Variants in CCDC187 observed in about 807,000 individuals in gnomAD.
CCDC187 encodes coiled-coil domain containing 187, also known as coiled-coil domain-containing protein 187.
A neutral mutation model predicts 38.0 loss-of-function variants in CCDC187; 32 were observed. The ratio of observed to expected loss-of-function variants is 0.84; its 90% CI spans 0.64 to 1.13. The LOEUF (loss-of-function observed/expected upper bound fraction) is 1.13. Among genes scored for constraint, CCDC187 ranks in the 50% most tolerant of loss-of-function variants. The pLI, the probability that CCDC187 is intolerant of heterozygous loss-of-function variation, is 0.00. For missense variants in CCDC187, 707 were observed against 786.8 expected (o/e 0.90, Z 1.21); for synonymous variants, 333 against 347.9 (o/e 0.96, Z 0.48).
rs948092634 is a variant in CCDC187, at chr9:136,257,985, C to T, written c.4366+947G>A. 6.6e-6 allele frequency among the ~76,000 whole-genome samples: 1 copy of T among 152,214 alleles called. No homozygotes were observed. Among genetic ancestry groups the T allele is most frequent in the African/African-American group, 2.4e-5 (1 of 41,456 alleles). On this transcript the variant is annotated intron_variant, in intron 22 of 25. Transcript: ENST00000638797. This position sits in a 1 kb window ranked among gnomAD's most constrained non-coding sequence, Gnocchi z 4.5. ...CGAGTGAATCCACCTCCAGAGGCAA[C>T]GAGGACCCATGGTGGGTGCAGGCGC...
rs1830545477 is a variant in CCDC187 at position 136,251,954 on chromosome 9, CCCGGGA to C, written c.*1634_*1639del. 2.5e-5 allele frequency: 3 copies of C among 118,748 alleles called. No individual in the cohort carries two copies. The highest frequency in any genetic ancestry group is 5.6e-5 in the African/African-American group (2 of 35,748). 7.4% of individuals were successfully genotyped at this position (118,748 alleles called of 1,614,324 possible). A position where few individuals can be genotyped will look rare whatever the true frequency, so the allele number is the denominator to read the frequency against. On this transcript the variant is annotated 3_prime_UTR_variant, in exon 26 of 26. Coordinates refer to ENST00000638797, the MANE Select transcript of CCDC187 (RefSeq NM_001378188.1). ...AGAGCCGGCCGCCCACCCAGTCCAC[CCCGGGA>C]AGGTCCAGGCGACCGTCCCGCGGAG...
At chr9:136,276,899 G>A (rs1830943074) in intron 10 of CCDC187, among the ~76,000 whole-genome samples, 172 bp from the exon 11 acceptor site, 1 of 152,086 alleles carries the variant, frequency 6.6e-6, no homozygotes, top group South Asian at 2.1e-4. Context: ...AGCCCAGCTG[G>A]CATCAACTCC....
chr9:136,293,911 C>T (rs1317408616), intron 4 of CCDC187, among the ~76,000 whole-genome samples: 1 of 151,238 alleles, frequency 6.6e-6, no homozygotes, highest in Non-Finnish European at 1.5e-5. Context: ...CACACTCATA[C>T]ACTCATATAC....
At chr9:136,265,863 T>A in intron 17 of CCDC187, 93 bp downstream of exon 17, 1 of 620,448 alleles carries the variant, frequency 1.6e-6, no homozygotes, top group Non-Finnish European at 2.0e-6. Flanking sequence ...TTTAGCTCTG[T>A]TGCTGGGGAA....
At chr9:136,265,388 C>A (rs68182128) in intron 17 of CCDC187, among the ~76,000 whole-genome samples, 3 of 152,036 alleles carry the variant, frequency 2.0e-5, no homozygotes, top group Non-Finnish European at 4.4e-5. Flanking sequence ...CTGCCAGGCG[C>A]GGCTAGGGAT....
At chr9:136,260,403 G>T (rs531268071) in intron 19 of CCDC187, 139 bp from the exon 20 acceptor site, 4 of 411,988 alleles carry the variant, frequency 9.7e-6, no homozygotes, top group African/African-American at 2.2e-5. Flanking sequence ...GTGGTCAGTG[G>T]CCAAGCAGAA....
upstream of CCDC187, among the ~76,000 whole-genome samples, chr9:136,304,752 C>G (rs1831772504): frequency 6.6e-6 from 1 of 152,198 alleles, no homozygotes; most frequent in African/African-American, 2.4e-5. Context: ...CCATTGTGAG[C>G]CCCTGGTGAG....
rs968035939 is a variant in CCDC187, at chr9:136,260,136, C to T, written c.4193G>A (p.Gly1398Asp). 10 of 985,444 alleles carry T rather than the reference C, an allele frequency of 1.0e-5. No individual in the cohort carries two copies. Among genetic ancestry groups the T allele is most frequent in the Non-Finnish European group, 1.2e-5 (10 of 829,980 alleles). 61.0% of individuals were successfully genotyped at this position (985,444 alleles called of 1,614,324 possible). ...CTCATTACCTTGACTGACATGGCTG[C>T]CACTCTCCACCAGCGGGCCCTGGGG... ...HDPQGPLVES[G>D]SHVSQEPGEQ... The change falls in exon 20 of 26, where the codon GGC becomes GAC. Residue 1398 changes from glycine to aspartate, a missense_variant. Gly to Asp is a moderately conservative substitution (Grantham distance 94). Coordinates refer to ENST00000638797, the MANE Select transcript of CCDC187 (RefSeq NM_001378188.1).
chr9:136,262,380 G>A lies in CCDC187; in HGVS notation c.3995C>T (p.Thr1332Ile). The change falls in exon 19 of 26, where the codon ACC becomes ATC. Residue 1332 changes from threonine to isoleucine, a missense_variant. Physicochemically the swap from Thr to Ile is moderately conservative, Grantham distance 89 (BLOSUM62 -1). Coordinates refer to ENST00000638797, the MANE Select transcript of CCDC187 (RefSeq NM_001378188.1). ...QQPEASLCPL[T>I]PCRPSSSTSH... ...GGTGGAGCTGCTGGGCCTGCATGGGGTCAGGGGACACAGGGAGGCCTCTGG... is the reference window on the plus strand; with the variant it reads ...GGTGGAGCTGCTGGGCCTGCATGGGATCAGGGGACACAGGGAGGCCTCTGG... The A allele has an allele frequency of 1.0e-6, 1 of 986,772 alleles. No homozygotes were observed. Among genetic ancestry groups the A allele is most frequent in the Non-Finnish European group, 1.2e-6 (1 of 830,962 alleles). 61.1% of individuals were successfully genotyped at this position (986,772 alleles called of 1,614,324 possible).
rs1001396837 is a variant in CCDC187, at chr9:136,259,431, G to A, written c.4228C>T (p.Arg1410Trp). Residue 1410 changes from arginine to tryptophan, a missense_variant, in exon 21 of 26, where the codon CGG becomes TGG. Transcript: ENST00000638797. ...TGCTGCAGGCCCAGCAGAGGGGCCC[G>A]AGGCTGCTCCCCAGGCTCTGAAAGA... ...HVSQEPGEQP[R>W]APLLGLQHVS... The A allele has an allele frequency of 1.4e-5, 14 of 985,414 alleles. No individual in the cohort carries two copies. Among genetic ancestry groups the A allele is most frequent in the East Asian group, 1.1e-4 (1 of 8,802 alleles). 61.0% of individuals were successfully genotyped at this position (985,414 alleles called of 1,614,324 possible).
At chr9:136,304,842 T>C (rs36170809), upstream of CCDC187, among the ~76,000 whole-genome samples, 2 of 152,084 alleles carry the variant, frequency 1.3e-5, no homozygotes, top group African/African-American at 4.8e-5. Flanking sequence ...GGCCCTTAAG[T>C]TGACCCTTCC....
Position 136,263,667 on chromosome 9 carries a change from G to A in CCDC187, c.3867C>T (p.Asp1289=), listed in dbSNP as rs532919053. The A allele has an allele frequency of 2.7e-5, 27 of 985,474 alleles. No individual in the cohort carries two copies. In the South Asian group the frequency reaches 8.9e-4, roughly 33 times the overall value. 61.0% of individuals were successfully genotyped at this position (985,474 alleles called of 1,614,324 possible). ...VDILPIPGPT[D]VVPAHELQAQ... ...CCTGCAGCTCGTGCGCTGGGACGAC[G>A]TCCGTGGGCCCCGGGATGGGGAGGA... is the stretch of plus-strand genomic sequence containing the variant. Residue 1289 remains aspartate, a synonymous_variant, in exon 18 of 26, where the codon GAC becomes GAT. Coordinates refer to ENST00000638797, the MANE Select transcript of CCDC187 (RefSeq NM_001378188.1).
intron 4 of CCDC187, among the ~76,000 whole-genome samples, chr9:136,295,470 G>A (rs1831513215): frequency 6.6e-6 from 1 of 152,236 alleles, no homozygotes; most frequent in Admixed American, 6.5e-5. Flanking sequence ...CCCTGTCAAA[G>A]TTCTGGGGCC....
Position 136,255,109 on chromosome 9 carries a change from C to T in CCDC187, c.4719G>A (p.Ala1573=), listed in dbSNP as rs1162489090. 6.8e-5 allele frequency: 67 copies of T among 985,370 alleles called. No homozygotes were observed. Among genetic ancestry groups the T allele is most frequent in the Non-Finnish European group, 7.7e-5 (64 of 830,028 alleles). The allele number at this position is 985,370 out of a possible 1,614,324, so 61.0% of individuals were successfully genotyped here. The change falls in exon 26 of 26, where the codon GCG becomes GCA. Residue 1573 remains alanine (A), a synonymous_variant. Coordinates refer to ENST00000638797, the MANE Select transcript of CCDC187 (RefSeq NM_001378188.1). ...SPAAPVVPEE[A]APPILHQGSP... ...TGCCCTGGTGCAGGATTGGGGGCGCCGCCTCCTCAGGGACCACAGGAGCTG... is the reference window on the plus strand; with the variant it reads ...TGCCCTGGTGCAGGATTGGGGGCGCTGCCTCCTCAGGGACCACAGGAGCTG...
rs1831324871 is a variant in CCDC187 at position 136,291,384 on chromosome 9, C to T, written c.1229G>A (p.Gly410Glu). The change falls in exon 6 of 26, where the codon GGG becomes GAG. Residue 410 changes from glycine (G) to glutamate (E), a missense_variant. Gly to Glu is a moderately conservative substitution (Grantham distance 98). Coordinates refer to ENST00000638797, the MANE Select transcript of CCDC187 (RefSeq NM_001378188.1). ...PSKRRLQDVA[G>E]RGCCRDPNAQ... ...ATTGGGGTCCCTGCAGCAGCCCCTC[C>T]CTGCCACGTCCTGCAGCCTCCGCTT... 4 of 398,910 alleles carry T rather than the reference C, an allele frequency of 1.0e-5. No homozygotes were observed. 24.7% of individuals were successfully genotyped at this position (398,910 alleles called of 1,614,324 possible). A position where few individuals can be genotyped will look rare whatever the true frequency, so the allele number is the denominator to read the frequency against.
Position 136,254,255 on chromosome 9 carries a change from T to A in CCDC187, c.5573A>T (p.Asp1858Val), listed in dbSNP as rs1400784818. 2 of 985,120 alleles carry A rather than the reference T, an allele frequency of 2.0e-6. No individual in the cohort carries two copies. The highest frequency in any genetic ancestry group is 2.3e-4 in the East Asian group (2 of 8,788). 61.0% of individuals were successfully genotyped at this position (985,120 alleles called of 1,614,324 possible). The stretch of plus-strand genomic sequence containing the variant: ...GGGTGCCTGGAGGGCTTCTCCTGTG[T>A]CTGACACCCCCATCAGGCTCTCGCT... ...GTSESLMGVS[D>V]TGEALQAPPE... Residue 1858 changes from aspartate (D) to valine (V), a missense_variant, in exon 26 of 26, where the codon GAC (aspartate) becomes GTC (valine). Coordinates refer to ENST00000638797, the MANE Select transcript of CCDC187 (RefSeq NM_001378188.1).
rs1830593634 is a variant in CCDC187, at chr9:136,254,820, CAG to C, written c.5006_5007del (p.Ser1669CysfsTer20). On this transcript the variant is annotated frameshift_variant, in exon 26 of 26. Coordinates refer to ENST00000638797, the MANE Select transcript of CCDC187 (RefSeq NM_001378188.1). LOFTEE classifies it low-confidence loss of function (END_TRUNC). ...CCAGCTTCCCCCGAGGAGTGTCGGG[CAG>C]AGAGCTCTCCAGGCCAGCTGAAACC... ...DEGFSWPGELSARHSSGEAGL... is the reference protein window; with the variant it reads ...DEGFSWPGELXARHSSGEAGL... 1 of 985,398 alleles carries C rather than the reference CAG, an allele frequency of 1.0e-6. No individual in the cohort carries two copies. Among genetic ancestry groups the C allele is most frequent in the Admixed American group, 6.1e-5 (1 of 16,274 alleles). The allele number at this position is 985,398 out of a possible 1,614,324, so 61.0% of individuals were successfully genotyped here. A position where few individuals can be genotyped will look rare whatever the true frequency, so the allele number is the denominator to read the frequency against.
rs73560763 is a variant in CCDC187 at position 136,251,434 on chromosome 9, A to G, written c.*2160T>C. 0.021 allele frequency: 4,082 copies of G among 191,736 alleles called. 178 individuals carry two copies. The highest frequency in any genetic ancestry group is 0.088 in the African/African-American group (3,801 of 43,074). The allele number at this position is 191,736 out of a possible 1,614,324, so 11.9% of individuals were successfully genotyped here. ...TGGCTTCCTCTGGTCTGTGCAGCTC[A>G]GGTGTGAGACATCCATGCCCAGTCC... On this transcript the variant is annotated 3_prime_UTR_variant, in exon 26 of 26. Coordinates refer to ENST00000638797, the MANE Select transcript of CCDC187 (RefSeq NM_001378188.1).
Position 136,290,843 on chromosome 9 carries a change from G to A in CCDC187, c.1770C>T (p.Ile590=), listed in dbSNP as rs941809205. ...GCTTGGCAGCCGAGACGGGGGAGCC[G>A]ATGCCTCTGCCCTTGCCCTGGGGGC... is the stretch of plus-strand genomic sequence containing the variant. ...RAGPQGKGRG[I]GSPVSAAKHA... Residue 590 remains isoleucine, a synonymous_variant, in exon 6 of 26, where the codon ATC becomes ATT. Transcript: ENST00000638797. The A allele has an allele frequency of 1.1e-3, 429 of 398,600 alleles. 1 individual carries two copies. Among genetic ancestry groups the A allele is most frequent in the African/African-American group, 7.6e-3 (372 of 48,752 alleles). The allele number at this position is 398,600 out of a possible 1,614,324, so 24.7% of individuals were successfully genotyped here. A position where few individuals can be genotyped will look rare whatever the true frequency, so the allele number is the denominator to read the frequency against.
Sources: allele counts gnomAD v4.1 joint callset (sites outside exome capture counted in the v4.1 genomes callset), GRCh38; gene constraint gnomAD v4.1.1; non-coding constraint Gnocchi (gnomAD v3.1); transcripts MANE v1.5; gene names NCBI Gene and HGNC (gene_info 2026-07-23, HGNC 2026-07-21).